The following RABGAP1L variants were observed in gnomAD, a reference collection of about 807,000 sequenced individuals.
RABGAP1L encodes RAB GTPase activating protein 1 like, also known as rab GTPase-activating protein 1-like.
RABGAP1L carries 63 observed loss-of-function variants against 137.7 expected under a neutral mutation model. The ratio of observed to expected loss-of-function variants is 0.46; its 90% CI spans 0.37 to 0.56. RABGAP1L has a LOEUF of 0.56. Among genes scored for constraint, RABGAP1L ranks in the 20% least tolerant of loss-of-function variants. RABGAP1L has a pLI of 0.00. For synonymous variants in RABGAP1L, 431 were observed against 433.7 expected, an observed-to-expected ratio of 0.99 and a Z score of 0.08; for missense variants, 1,095 against 1,244.0, an observed-to-expected ratio of 0.88 and a Z score of 1.80.
intron 19 of RABGAP1L, among the ~76,000 whole-genome samples, chr1:174,921,860 A>G (rs1661869214): frequency 6.6e-6 from 1 of 152,202 alleles, no homozygotes; most frequent in South Asian, 2.1e-4. Flanking sequence ...TTTAGTTAGT[A>G]AAATGTAATG....
intron 19 of RABGAP1L, among the ~76,000 whole-genome samples, chr1:174,863,313 A>G (rs1383037659): frequency 1.3e-5 from 2 of 150,538 alleles, no homozygotes; most frequent in East Asian, 3.9e-4. Flanking sequence ...ACATTGCTGT[A>G]TTTGTCATTT....
At chr1:174,203,321 C>T (rs61828575) in intron 1 of RABGAP1L, among the ~76,000 whole-genome samples, 2 of 152,064 alleles carry the variant, frequency 1.3e-5, no homozygotes, top group Non-Finnish European at 2.9e-5. Context: ...CTTCAGTGTT[C>T]TGCATATGGC....
intron 13 of RABGAP1L, among the ~76,000 whole-genome samples, chr1:174,473,798 A>T (rs551291113): frequency 6.6e-6 from 1 of 152,326 alleles, no homozygotes; most frequent in East Asian, 1.9e-4. Flanking sequence ...TCCTGCAATC[A>T]TTCGCCCCTA....
chr1:174,502,223 G>A (rs1367683446), intron 13 of RABGAP1L, among the ~76,000 whole-genome samples: 7 of 151,758 alleles, frequency 4.6e-5, no homozygotes, highest in African/African-American at 1.7e-4. Context: ...CAGCTAGAAT[G>A]CCAGGCAGAA....
Position 174,981,550 on chromosome 1 carries a change from CTTTTTTTTTTTTTTT to C in RABGAP1L, c.2734-1267_2734-1253del, listed in dbSNP as rs10556099. 7.4e-4 allele frequency among the ~76,000 whole-genome samples: 49 copies of C among 66,440 alleles called. No homozygotes were observed. The East Asian group carries it at 0.032, about 44-fold the overall frequency. 43.6% of individuals were successfully genotyped at this position (66,440 alleles called of 152,430 possible). On this transcript the variant is annotated intron_variant, in intron 23 of 25. Coordinates refer to ENST00000681986, the MANE Select transcript of RABGAP1L (RefSeq NM_001366446.1). ...AATTTCACATCCCCTGTTTTTCCAT[CTTTTTTTTTTTTTTT>C]TTTTTTTTTTTTTTTTGTGAGGCAA...
At chr1:174,268,191 G>C (rs1479908264) in intron 7 of RABGAP1L, among the ~76,000 whole-genome samples, 1 of 150,956 alleles carries the variant, frequency 6.6e-6, no homozygotes, top group East Asian at 1.9e-4. Context: ...CTATTATGCT[G>C]TCACTTTTTC....
At chr1:174,568,663 C>T (rs1667743759) in intron 13 of RABGAP1L, among the ~76,000 whole-genome samples, 1 of 151,992 alleles carries the variant, frequency 6.6e-6, no homozygotes, top group Non-Finnish European at 1.5e-5. Context: ...TGGGATGCCA[C>T]TAAAGTTTTA....
chr1:174,702,174 C>T lies in RABGAP1L; in HGVS notation c.2087C>T (p.Ala696Val). Reference protein sequence around the residue: ...SDLNLEAHMYASQWFLTLFTA... With the variant: ...SDLNLEAHMYVSQWFLTLFTA... Reference sequence around the variant, plus strand: ...CTGAACCTGGAAGCTCATATGTATGCATCCCAGTGGTTTCTCACTCTTTTT... The same window carrying T: ...CTGAACCTGGAAGCTCATATGTATGTATCCCAGTGGTTTCTCACTCTTTTT... Residue 696 changes from alanine to valine, a missense_variant, in exon 17 of 26, where the codon GCA (alanine) becomes GTA (valine). Ala to Val is a moderately conservative substitution (Grantham distance 64). Coordinates refer to ENST00000681986, the MANE Select transcript of RABGAP1L (RefSeq NM_001366446.1). The T allele has an allele frequency of 6.2e-7, 1 of 1,612,018 alleles. No homozygotes were observed. The highest frequency in any genetic ancestry group is 2.2e-5 in the East Asian group (1 of 44,772).
At chr1:174,522,317 C>A (rs1306787861) in intron 13 of RABGAP1L, among the ~76,000 whole-genome samples, 1 of 152,058 alleles carries the variant, frequency 6.6e-6, no homozygotes, top group Non-Finnish European at 1.5e-5. Flanking sequence ...GTGACTCAAA[C>A]CTGTAATCCT....
intron 13 of RABGAP1L, among the ~76,000 whole-genome samples, chr1:174,581,546 C>T (rs536928282): frequency 1.3e-5 from 2 of 152,140 alleles, no homozygotes; most frequent in Admixed American, 6.6e-5. Flanking sequence ...GTAGGAGAAT[C>T]AGAATTATTG....
intron 17 of RABGAP1L, among the ~76,000 whole-genome samples, chr1:174,714,032 G>A (rs1162670297): frequency 2.0e-5 from 3 of 152,158 alleles, no homozygotes; most frequent in Non-Finnish European, 4.4e-5. Context: ...TTGGCCTGCA[G>A]TTATTCCCTT....
chr1:174,405,252 T>G (rs1332762750), intron 13 of RABGAP1L, among the ~76,000 whole-genome samples: 2 of 152,248 alleles, frequency 1.3e-5, no homozygotes, highest in African/African-American at 4.8e-5. Flanking sequence ...TTAAATCATG[T>G]AGATGAGTCA....
chr1:174,902,573 C>T (rs971236068), intron 19 of RABGAP1L, among the ~76,000 whole-genome samples: 3 of 152,230 alleles, frequency 2.0e-5, no homozygotes, highest in Admixed American at 6.5e-5. Context: ...TAAGTGGCTA[C>T]TCTGCCGTGA....
At chr1:174,501,987 T>C (rs951277343) in intron 13 of RABGAP1L, among the ~76,000 whole-genome samples, 2 of 151,762 alleles carry the variant, frequency 1.3e-5, no homozygotes, top group Admixed American at 6.5e-5. Context: ...TCTGCTGTTT[T>C]ACTAGAACTA....
intron 11 of RABGAP1L, among the ~76,000 whole-genome samples, chr1:174,310,227 A>C (rs1357530317): frequency 1.3e-5 from 2 of 152,038 alleles, no homozygotes; most frequent in African/African-American, 4.8e-5. Flanking sequence ...GTTCAGGAGC[A>C]TATTGTTTAA....
intron 15 of RABGAP1L, among the ~76,000 whole-genome samples, chr1:174,684,722 A>T (rs190696476): frequency 3.3e-4 from 51 of 152,294 alleles, no homozygotes; most frequent in African/African-American, 1.2e-3. Context: ...CACACCTGTA[A>T]TCCCAACACT....
intron 14 of RABGAP1L, among the ~76,000 whole-genome samples, chr1:174,642,747 C>CTCCCCTTCT (rs1674637536): frequency 7.5e-6 from 1 of 132,594 alleles, no homozygotes; most frequent in Non-Finnish European, 1.6e-5. Context: ...CTCTCCCCCT[C>CTCCCCTTCT]TCCCCTTCTT....
chr1:174,492,045 A>G (rs1300851432), intron 13 of RABGAP1L, among the ~76,000 whole-genome samples: 2 of 152,108 alleles, frequency 1.3e-5, no homozygotes, highest in African/African-American at 4.8e-5. Flanking sequence ...AGGTAGTGTG[A>G]ATGCTTACCT....
intron 13 of RABGAP1L, among the ~76,000 whole-genome samples, chr1:174,622,659 A>T (rs1572565761): frequency 1.3e-5 from 2 of 152,164 alleles, no homozygotes; most frequent in African/African-American, 2.4e-5. Flanking sequence ...AACAATGAGA[A>T]CACATGGACA....
Sources: gnomAD v4.1 joint callset for allele counts (sites outside exome capture counted in the v4.1 genomes callset) on GRCh38, gnomAD v4.1.1 for gene constraint, MANE v1.5 for transcripts, NCBI Gene and HGNC (gene_info 2026-07-23, HGNC 2026-07-21) for gene names.